Variants in CHRNA3 observed in about 807,000 individuals in gnomAD.
CHRNA3 encodes cholinergic receptor nicotinic alpha 3 subunit.
Under a neutral mutation model 41.9 loss-of-function variants are expected in CHRNA3, and 34 were observed. That is an observed-to-expected ratio of 0.81 (90% CI 0.62 to 1.08). The LOEUF (loss-of-function observed/expected upper bound fraction) is 1.08, where lower values mean the gene tolerates loss of function less well. Ranked by LOEUF, CHRNA3 falls within the 50% of genes least tolerant of loss-of-function variation. The pLI, the probability that CHRNA3 is intolerant of heterozygous loss-of-function variation, is 0.00. For synonymous variants in CHRNA3, 281 were observed against 265.2 expected (o/e 1.06, Z -0.58); for missense variants, 542 against 638.3 (o/e 0.85, Z 1.63).
At position 78,606,359 on chromosome 15, in the gene CHRNA3, C is replaced by G. The variant is rs1456923220; in HGVS notation, c.378-4095G>C. 4.9e-5 allele frequency among the ~76,000 whole-genome samples: 7 copies of G among 142,562 alleles called. No homozygotes were observed. In the East Asian group the frequency reaches 1.2e-3, roughly 25 times the overall value. 93.5% of individuals were successfully genotyped at this position (142,562 alleles called of 152,430 possible). On this transcript the variant is annotated intron_variant, in intron 4 of 5. Coordinates refer to ENST00000326828, the MANE Select transcript of CHRNA3 (RefSeq NM_000743.5). Reference sequence around the variant, plus strand: ...AAAAAAAAAAAAAAAAATACAAACACAAGTAACTGAATTAACACACACGCA... The same window carrying G: ...AAAAAAAAAAAAAAAAATACAAACAGAAGTAACTGAATTAACACACACGCA...
chr15:78,607,208 A>G (rs924751633), intron 4 of CHRNA3, among the ~76,000 whole-genome samples: 1 of 137,162 alleles, frequency 7.3e-6, no homozygotes, highest in Admixed American at 7.9e-5. Context: ...ACACAGTGAG[A>G]CTCTGTCTCC....
At chr15:78,618,447 A>T (rs2053498045) in intron 3 of CHRNA3, 170 bp downstream of exon 3, 1 of 687,120 alleles carries the variant, frequency 1.5e-6, no homozygotes, top group East Asian at 2.8e-5. Context: ...ACTGTAGGGC[A>T]GTGCATGTGA....
chr15:78,595,298 TCA>T, downstream of CHRNA3: 1 of 985,344 alleles, frequency 1.0e-6, no homozygotes, highest in Non-Finnish European at 1.2e-6. Context: ...GAAACATGAG[TCA>T]CAGCGGGCTG....
downstream of CHRNA3, chr15:78,593,379 C>G: frequency 1.1e-6 from 1 of 908,062 alleles, no homozygotes; most frequent in Non-Finnish European, 1.6e-6. Context: ...AGTTGCTAAC[C>G]TCAATTTATG....
At chr15:78,613,488 C>A (rs2053412172) in intron 4 of CHRNA3, among the ~76,000 whole-genome samples, 1 of 145,328 alleles carries the variant, frequency 6.9e-6, no homozygotes, top group Non-Finnish European at 1.5e-5. Context: ...CCAAACACCG[C>A]ATGTTATCAC....
At chr15:78,602,616 G>A (rs2053223670) in intron 4 of CHRNA3, among the ~76,000 whole-genome samples, 2 of 152,162 alleles carry the variant, frequency 1.3e-5, no homozygotes, top group Admixed American at 6.5e-5. Flanking sequence ...CTGGAGCCAG[G>A]TGCTGAAGCA....
intron 4 of CHRNA3, among the ~76,000 whole-genome samples, chr15:78,608,953 G>A (rs1463228932): frequency 6.6e-6 from 1 of 152,184 alleles, no homozygotes; most frequent in Non-Finnish European, 1.5e-5. Context: ...CTCAGGAGCC[G>A]ATGCAATCAA....
intron 4 of CHRNA3, among the ~76,000 whole-genome samples, chr15:78,612,815 A>ACT (rs1449147416): frequency 6.8e-6 from 1 of 146,056 alleles, no homozygotes; most frequent in Non-Finnish European, 1.5e-5. Flanking sequence ...TTCACAACCT[A>ACT]CTCATCTGAC....
chr15:78,620,739 AGCAGCAGCCGCG>A lies in CHRNA3; in HGVS notation c.44_55del (p.Pro15_Leu18del). ...TGGCAGCAGAGACAGCAGCAGCAGC[AGCAGCAGCCGCG>A]GCGGCGACAGCGCCAGGGGCAGCGA... On this transcript the variant is annotated inframe_deletion, in exon 1 of 6. Transcript: ENST00000326828. 1 of 1,500,710 alleles carries A rather than the reference AGCAGCAGCCGCG, an allele frequency of 6.7e-7. No individual in the cohort carries two copies. Among genetic ancestry groups the A allele is most frequent in the Non-Finnish European group, 8.8e-7 (1 of 1,131,724 alleles). 93.0% of individuals were successfully genotyped at this position (1,500,710 alleles called of 1,614,324 possible).
chr15:78,595,993 C>T lies in CHRNA3; in HGVS notation c.*611G>A, dbSNP rs201185018. ...CTGAGAAGTTTCTGTTGTTTATAATCCACCCAGTTTATGGTGTACTAAGAC... is the reference window on the plus strand; with the variant it reads ...CTGAGAAGTTTCTGTTGTTTATAATTCACCCAGTTTATGGTGTACTAAGAC... On this transcript the variant is annotated 3_prime_UTR_variant, in exon 6 of 6. Transcript: ENST00000326828. 2 of 922,444 alleles carry T rather than the reference C, an allele frequency of 2.2e-6. No homozygotes were observed. Among genetic ancestry groups the T allele is most frequent in the Non-Finnish European group, 2.6e-6 (2 of 773,262 alleles). The allele number at this position is 922,444 out of a possible 1,614,324, so 57.1% of individuals were successfully genotyped here. A position where few individuals can be genotyped will look rare whatever the true frequency, so the allele number is the denominator to read the frequency against.
chr15:78,593,426 C>T, downstream of CHRNA3: 2 of 542,194 alleles, frequency 3.7e-6, no homozygotes, highest in Non-Finnish European at 6.0e-6. Flanking sequence ...GGCTGTATGA[C>T]TGAAGTAATA....
intron 5 of CHRNA3, among the ~76,000 whole-genome samples, chr15:78,601,010 T>C (rs1172345616): frequency 6.6e-6 from 1 of 152,178 alleles, no homozygotes; most frequent in Non-Finnish European, 1.5e-5. Context: ...GCCAGCCTGC[T>C]GGCAGCCTGG....
chr15:78,611,919 G>C (rs8040544), intron 4 of CHRNA3, among the ~76,000 whole-genome samples: 1 of 151,714 alleles, frequency 6.6e-6, no homozygotes, highest in Non-Finnish European at 1.5e-5. Flanking sequence ...ATTCTTACAC[G>C]CCAATAACAG....
chr15:78,610,298 A>T (rs542702661), intron 4 of CHRNA3, among the ~76,000 whole-genome samples: 165 of 152,350 alleles, frequency 1.1e-3, no homozygotes, highest in Admixed American at 1.8e-3. Context: ...CACCACACCT[A>T]TTCCAAAATT....
intron 5 of CHRNA3, 22 bp from the exon 6 acceptor site, chr15:78,596,754 G>GA (rs753525404): frequency 6.9e-5 from 109 of 1,574,688 alleles, no homozygotes; most frequent in Admixed American, 2.8e-4. Flanking sequence ...AATGATAAAA[G>GA]AAAAAAAACA....
intron 4 of CHRNA3, among the ~76,000 whole-genome samples, chr15:78,606,946 G>A (rs773762110): frequency 6.6e-6 from 1 of 152,100 alleles, no homozygotes; most frequent in African/African-American, 2.4e-5. Context: ...AGAACAAGCA[G>A]TCTGGGTGTG....
chr15:78,595,490 A>G lies in CHRNA3; in HGVS notation c.*1114T>C, dbSNP rs660652. ...CCAGGGGCAATTTTGCTCCTAAGGG[A>G]ACATTTAACAATGGAGACATTCTTG... On this transcript the variant is annotated 3_prime_UTR_variant, in exon 6 of 6. Coordinates refer to ENST00000326828, the MANE Select transcript of CHRNA3 (RefSeq NM_000743.5). The G allele has an allele frequency of 0.64, 496,324 of 779,062 alleles. 157,907 individuals are homozygous for G. Among genetic ancestry groups the G allele is most frequent in the East Asian group, 0.82 (6,391 of 7,782 alleles). 48.3% of individuals were successfully genotyped at this position (779,062 alleles called of 1,614,324 possible).
chr15:78,610,843 CAGAA>C (rs1271222491), intron 4 of CHRNA3, among the ~76,000 whole-genome samples: 4 of 150,476 alleles, frequency 2.7e-5, no homozygotes, highest in Non-Finnish European at 6.0e-5. Context: ...ACTAATAAAG[CAGAA>C]AGAAGAATCA....
At chr15:78,609,253 A>G (rs1219601110) in intron 4 of CHRNA3, among the ~76,000 whole-genome samples, 1 of 152,160 alleles carries the variant, frequency 6.6e-6, no homozygotes, top group Non-Finnish European at 1.5e-5. Flanking sequence ...CCTCGAGAAG[A>G]GCAACTCCAA....
Sources: allele counts gnomAD v4.1 joint callset (sites outside exome capture counted in the v4.1 genomes callset), GRCh38; gene constraint gnomAD v4.1.1; transcripts MANE v1.5; gene names NCBI Gene and HGNC (gene_info 2026-07-23, HGNC 2026-07-21).